SLC6A17: variants seen among roughly 807,000 people sequenced by gnomAD.
The protein encoded by SLC6A17 is solute carrier family 6 member 17, also known as sodium-dependent neutral amino acid transporter SLC6A17.
Under a neutral mutation model 64.5 loss-of-function variants are expected in SLC6A17, and 21 were observed. The observed-to-expected ratio is 0.33, with a 90% CI of 0.23 to 0.47. The LOEUF (loss-of-function observed/expected upper bound fraction) is 0.47, where lower values mean the gene tolerates loss of function less well. SLC6A17 is among the 20% of genes least tolerant of loss of function. The pLI is 1.00. For synonymous variants in SLC6A17, 372 were observed against 399.5 expected, an observed-to-expected ratio of 0.93 and a Z score of 0.82; for missense variants, 682 against 963.2, an observed-to-expected ratio of 0.71 and a Z score of 3.86.
intron 1 of SLC6A17, among the ~76,000 whole-genome samples, chr1:110,161,532 C>T (rs569202134): frequency 2.4e-4 from 36 of 152,036 alleles, no homozygotes; most frequent in Admixed American, 4.6e-4. Flanking sequence ...CGGGGAGGGG[C>T]GGGGCAGGGT....
chr1:110,181,787 C>A (rs1350411695), intron 6 of SLC6A17, among the ~76,000 whole-genome samples: 3 of 55,334 alleles, frequency 5.4e-5, no homozygotes, highest in Non-Finnish European at 1.3e-4. Context: ...ACAGAGGGAA[C>A]AATGAGTGTG....
At position 110,192,527 on chromosome 1, in the gene SLC6A17, G is replaced by T. The variant is rs760584443; in HGVS notation, c.1128G>T (p.Gly376=). Residue 376 remains glycine (G), a synonymous_variant, in exon 8 of 12, where the codon GGG becomes GGT. Transcript: ENST00000331565. This position sits in a 1 kb window ranked among gnomAD's most constrained non-coding sequence, Gnocchi z 4.3. ...GCAGGAATGCTGAGAAAATCCTAGG[G>T]TACCTTAACACCAACGTCCTGAGCC... ...CVVENAEKIL[G]YLNTNVLSRD... 2.5e-6 allele frequency: 4 copies of T among 1,613,696 alleles called. No homozygotes were observed. The Admixed American group carries it at 6.7e-5, about 27-fold the overall frequency.
intron 1 of SLC6A17, among the ~76,000 whole-genome samples, chr1:110,163,379 T>C (rs1655968225): frequency 6.6e-6 from 1 of 152,150 alleles, no homozygotes; most frequent in African/African-American, 2.4e-5. Context: ...GGACCAAATA[T>C]CAATATGGGG....
At chr1:110,162,214 G>A (rs1215753796) in intron 1 of SLC6A17, among the ~76,000 whole-genome samples, 1 of 152,222 alleles carries the variant, frequency 6.6e-6, no homozygotes, top group African/African-American at 2.4e-5. Context: ...TTAGAATACG[G>A]CTGGGCTGGC....
chr1:110,171,302 T>C (rs989989150), intron 2 of SLC6A17, among the ~76,000 whole-genome samples: 13 of 152,220 alleles, frequency 8.5e-5, no homozygotes, highest in Non-Finnish European at 1.8e-4. Flanking sequence ...TGCACTCATC[T>C]GTGTCCAGAC....
chr1:110,156,426 A>T (rs1264591962), intron 1 of SLC6A17, among the ~76,000 whole-genome samples: 1 of 152,156 alleles, frequency 6.6e-6, no homozygotes, highest in Non-Finnish European at 1.5e-5. Context: ...ATGGCCTAGC[A>T]TGGTGGCGCC....
chr1:110,188,261 C>T (rs1198125428), intron 6 of SLC6A17, among the ~76,000 whole-genome samples: 2 of 152,212 alleles, frequency 1.3e-5, no homozygotes, highest in African/African-American at 4.8e-5. Flanking sequence ...AGATAAGGAA[C>T]CGTGGGCCTG....
intron 1 of SLC6A17, among the ~76,000 whole-genome samples, chr1:110,157,448 C>T (rs1655788261): frequency 6.6e-6 from 1 of 152,158 alleles, no homozygotes. Flanking sequence ...TGGCATGCGC[C>T]TGTAATCCCA....
Position 110,198,114 on chromosome 1 carries a change from G to C in SLC6A17, c.1854G>C (p.Met618Ile). The C allele has an allele frequency of 2.5e-6, 4 of 1,613,926 alleles. No individual in the cohort carries two copies. The highest frequency in any genetic ancestry group is 3.4e-6 in the Non-Finnish European group (4 of 1,179,978). ...ERYLYFPNWAMALLITLIVVA... is the reference protein window; with the variant it reads ...ERYLYFPNWAIALLITLIVVA... Reference sequence around the variant, plus strand: ...ACCTGTATTTCCCCAACTGGGCCATGGCACTCCTGATCACCCTCATCGTCG... The same window carrying C: ...ACCTGTATTTCCCCAACTGGGCCATCGCACTCCTGATCACCCTCATCGTCG... Residue 618 changes from methionine to isoleucine, a missense_variant, in exon 12 of 12, where the codon ATG (methionine) becomes ATC (isoleucine). Coordinates refer to ENST00000331565, the MANE Select transcript of SLC6A17 (RefSeq NM_001010898.4).
intron 2 of SLC6A17, 46 bp downstream of exon 2, chr1:110,167,261 C>T (rs368636459): frequency 2.0e-5 from 32 of 1,572,600 alleles, no homozygotes; most frequent in Admixed American, 8.8e-5. Context: ...GCAAATAGGC[C>T]GGGGATGAGG....
intron 1 of SLC6A17, among the ~76,000 whole-genome samples, chr1:110,158,953 G>T (rs1467416367): frequency 6.6e-6 from 1 of 152,140 alleles, no homozygotes; most frequent in Non-Finnish European, 1.5e-5. Context: ...ACCCTTTCTG[G>T]TAAGTTCAAG....
intron 1 of SLC6A17, among the ~76,000 whole-genome samples, 200 bp downstream of exon 1, chr1:110,151,083 C>T (rs1175405475): frequency 1.3e-5 from 2 of 152,218 alleles, no homozygotes; most frequent in Non-Finnish European, 2.9e-5. Context: ...CCCCGGGGCC[C>T]GCTCTCCTTC....
intron 3 of SLC6A17, 68 bp from the exon 4 acceptor site, chr1:110,173,905 G>A (rs993726124): frequency 2.4e-5 from 38 of 1,574,546 alleles, no homozygotes; most frequent in Admixed American, 1.3e-4. Context: ...GCTGGGCCTC[G>A]GGTGGAGCGT....
intron 9 of SLC6A17, 139 bp downstream of exon 9, chr1:110,194,910 G>A (rs1656921592): frequency 9.5e-7 from 1 of 1,053,856 alleles, no homozygotes; most frequent in Non-Finnish European, 1.4e-6. Flanking sequence ...CTGGAGCCTG[G>A]CTGTGCCACT....
intron 1 of SLC6A17, among the ~76,000 whole-genome samples, chr1:110,163,448 G>A (rs1655970146): frequency 6.6e-6 from 1 of 152,174 alleles, no homozygotes; most frequent in South Asian, 2.1e-4. Context: ...GGCAGTGGCT[G>A]CTACCATTTG....
At chr1:110,169,488 A>C (rs2101845008) in intron 2 of SLC6A17, among the ~76,000 whole-genome samples, 1 of 152,318 alleles carries the variant, frequency 6.6e-6, no homozygotes, top group Non-Finnish European at 1.5e-5. Flanking sequence ...ATTTTCCCAA[A>C]GTCACACAGC....
At chr1:110,187,114 CT>C (rs1656704141) in intron 6 of SLC6A17, among the ~76,000 whole-genome samples, 1 of 124,220 alleles carries the variant, frequency 8.1e-6, no homozygotes, top group Non-Finnish European at 1.8e-5. Context: ...CTGTGTTCAT[CT>C]TGTTAAAAAA....
At chr1:110,172,744 G>C (rs1407200531) in intron 3 of SLC6A17, among the ~76,000 whole-genome samples, 1 of 152,206 alleles carries the variant, frequency 6.6e-6, no homozygotes, top group African/African-American at 2.4e-5. Flanking sequence ...AGGTGGGTGA[G>C]GCTTTGGAAC....
At chr1:110,153,496 G>A (rs1655661778) in intron 1 of SLC6A17, among the ~76,000 whole-genome samples, 1 of 132,802 alleles carries the variant, frequency 7.5e-6, no homozygotes, top group Non-Finnish European at 1.7e-5. Context: ...GCTGGCTCAG[G>A]GGACTCCAAT....
Sources: gnomAD v4.1 joint callset for allele counts (sites outside exome capture counted in the v4.1 genomes callset) on GRCh38, gnomAD v4.1.1 for gene constraint, Gnocchi (gnomAD v3.1) non-coding constraint, MANE v1.5 for transcripts, NCBI Gene and HGNC (gene_info 2026-07-23, HGNC 2026-07-21) for gene names.